LOC400499: variants seen among roughly 807,000 people sequenced by gnomAD.
chr16:11,409,002 T>G, the LOC400499 span, among the ~76,000 whole-genome samples: 2 of 152,184 alleles, frequency 1.3e-5, no homozygotes, highest in East Asian at 3.9e-4. Flanking sequence ...GACTCATGCC[T>G]GTAATCCCAG....
At chr16:11,402,811 G>A in the LOC400499 span, among the ~76,000 whole-genome samples, 22 of 152,228 alleles carry the variant, frequency 1.4e-4, no homozygotes, top group African/African-American at 5.1e-4. Context: ...CTGAGTTTCG[G>A]AATACTTTGT....
the LOC400499 span, among the ~76,000 whole-genome samples, chr16:11,483,994 CTTTTTTT>C: frequency 2.9e-5 from 1 of 34,860 alleles, no homozygotes; most frequent in Non-Finnish European, 4.8e-5. Flanking sequence ...GAGGAAGGGA[CTTTTTTT>C]TTTTTTTTTT....
chr16:11,464,023 G>C, the LOC400499 span, among the ~76,000 whole-genome samples: 2 of 152,282 alleles, frequency 1.3e-5, no homozygotes, highest in South Asian at 4.1e-4. Flanking sequence ...GCATTTGGAT[G>C]TGTGTGAATA....
the LOC400499 span, chr16:11,470,490 C>G: frequency 7.2e-5 from 11 of 152,202 alleles, no homozygotes; most frequent in East Asian, 1.5e-3. Context: ...TCCCCCGGAG[C>G]CTTTTCTTAA....
At chr16:11,410,085 A>G in the LOC400499 span, among the ~76,000 whole-genome samples, 1 of 152,204 alleles carries the variant, frequency 6.6e-6, no homozygotes, top group Non-Finnish European at 1.5e-5. Flanking sequence ...TTGAGGCTGC[A>G]GTGAGCTATG....
chr16:11,503,469 C>T, the LOC400499 span, among the ~76,000 whole-genome samples: 3,341 of 152,246 alleles, frequency 0.022, 137 homozygotes, highest in African/African-American at 0.076. Flanking sequence ...CCGAGCCAAG[C>T]CAGGTCCCAG....
chr16:11,424,619 C>T, the LOC400499 span, among the ~76,000 whole-genome samples: 1 of 152,200 alleles, frequency 6.6e-6, no homozygotes, highest in Admixed American at 6.5e-5. Flanking sequence ...GACCCATGTC[C>T]CTTAGGACTT....
At chr16:11,501,760 G>A in the LOC400499 span, among the ~76,000 whole-genome samples, 17 of 152,054 alleles carry the variant, frequency 1.1e-4, no homozygotes, top group African/African-American at 4.1e-4. Context: ...GGTACCCTAG[G>A]TGCATTGGAA....
chr16:11,517,245 T>G, the LOC400499 span, among the ~76,000 whole-genome samples: 2 of 152,154 alleles, frequency 1.3e-5, no homozygotes, highest in African/African-American at 4.8e-5. Context: ...CTAACTTGTC[T>G]CGCTCCCTCC....
the LOC400499 span, among the ~76,000 whole-genome samples, chr16:11,502,881 T>C: frequency 2.0e-5 from 3 of 151,304 alleles, no homozygotes; most frequent in Admixed American, 2.0e-4. Flanking sequence ...TCCAAAGTGC[T>C]GGGATTATAG....
chr16:11,460,538 G>T, the LOC400499 span: 4 of 1,535,546 alleles, frequency 2.6e-6, no homozygotes, highest in Middle Eastern at 5.0e-4. Context: ...CAGCCTGTAG[G>T]CACCGTCTGA....
the LOC400499 span, among the ~76,000 whole-genome samples, chr16:11,461,570 A>G: frequency 6.6e-6 from 1 of 152,324 alleles, no homozygotes. Flanking sequence ...AAGAGAAAAG[A>G]AAGAATAGCC....
the LOC400499 span, chr16:11,514,414 C>A: frequency 2.5e-6 from 1 of 399,140 alleles, no homozygotes; most frequent in South Asian, 1.3e-4. Flanking sequence ...AGGAGAGGGT[C>A]CTCATCTGCA....
At chr16:11,471,864 G>C in the LOC400499 span, 1 of 399,090 alleles carries the variant, frequency 2.5e-6, no homozygotes, top group East Asian at 3.6e-5. Context: ...GAGACTCAGA[G>C]GGCTCTGGGC....
the LOC400499 span, among the ~76,000 whole-genome samples, chr16:11,459,687 T>G: frequency 6.4e-4 from 98 of 152,346 alleles, 1 homozygote; most frequent in Non-Finnish European, 1.2e-3. Flanking sequence ...CAAGCCCTCC[T>G]GCCAGTCCTT....
chr16:11,454,388 G>C, the LOC400499 span, among the ~76,000 whole-genome samples: 1 of 152,332 alleles, frequency 6.6e-6, no homozygotes, highest in Middle Eastern at 3.4e-3. Context: ...GGTCATTGCA[G>C]ATATCATTAA....
At chr16:11,495,987 C>T in the LOC400499 span, among the ~76,000 whole-genome samples, 2 of 152,156 alleles carry the variant, frequency 1.3e-5, no homozygotes, top group African/African-American at 4.8e-5. Flanking sequence ...GAACAGGGGC[C>T]TCTGTGCTAG....
At chr16:11,404,121 T>G in the LOC400499 span, among the ~76,000 whole-genome samples, 1 of 151,964 alleles carries the variant, frequency 6.6e-6, no homozygotes, top group Non-Finnish European at 1.5e-5. Flanking sequence ...AGAAGTCACC[T>G]CCTCCAAGAG....
chr16:11,377,460 A>G, the LOC400499 span, among the ~76,000 whole-genome samples: 1 of 152,194 alleles, frequency 6.6e-6, no homozygotes. Flanking sequence ...GGTGGTTCAT[A>G]TGACCTTTAT....
Sources: gnomAD v4.1 joint callset for allele counts (sites outside exome capture counted in the v4.1 genomes callset) on GRCh38, gnomAD v4.1.1 for gene constraint, MANE v1.5 for transcripts.